The following MARCHF8 variants were observed in gnomAD, a reference collection of about 807,000 sequenced individuals.
The protein encoded by MARCHF8 is membrane associated ring-CH-type finger 8, also known as E3 ubiquitin-protein ligase MARCHF8.
MARCHF8 carries 40 observed loss-of-function variants against 51.6 expected under a neutral mutation model. That is an observed-to-expected ratio of 0.77 (90% CI 0.60 to 1.01). The LOEUF (loss-of-function observed/expected upper bound fraction) is 1.01, where lower values mean the gene tolerates loss of function less well. MARCHF8 is among the 50% of genes least tolerant of loss of function. The probability of loss-of-function intolerance (pLI) is 0.00; values close to 1 mark genes in which losing one functional copy is unlikely to be tolerated. For synonymous variants in MARCHF8, 263 were observed against 280.3 expected, an observed-to-expected ratio of 0.94 and a Z score of 0.62; for missense variants, 685 against 708.6, an observed-to-expected ratio of 0.97 and a Z score of 0.38.
chr10:45,495,979 C>T (rs2043168582), intron 2 of MARCHF8, among the ~76,000 whole-genome samples: 1 of 152,064 alleles, frequency 6.6e-6, no homozygotes, highest in Non-Finnish European at 1.5e-5. Flanking sequence ...AGATTAACAG[C>T]TGACTTATCC....
upstream of MARCHF8, among the ~76,000 whole-genome samples, chr10:45,538,333 G>A (rs568954560): frequency 2.0e-5 from 3 of 152,136 alleles, no homozygotes; most frequent in East Asian, 1.9e-4. Context: ...AACATGGAAA[G>A]GAACAACTGG....
chr10:45,497,746 G>T (rs2043198441), intron 2 of MARCHF8, among the ~76,000 whole-genome samples: 1 of 152,062 alleles, frequency 6.6e-6, no homozygotes, highest in South Asian at 2.1e-4. Context: ...TCATAAAAAT[G>T]AAGTCACAAA....
intron 6 of MARCHF8, among the ~76,000 whole-genome samples, chr10:45,459,522 T>A (rs188034853): frequency 6.6e-6 from 1 of 152,342 alleles, no homozygotes; most frequent in African/African-American, 2.4e-5. Flanking sequence ...CCTTGTCTGC[T>A]TATTCTTGCA....
At chr10:45,529,262 G>A (rs972682180) in intron 2 of MARCHF8, among the ~76,000 whole-genome samples, 2 of 152,146 alleles carry the variant, frequency 1.3e-5, no homozygotes, top group Non-Finnish European at 2.9e-5. Flanking sequence ...ACCATATACA[G>A]TAGAATGACA....
Position 45,458,129 on chromosome 10 carries a change from C to T in MARCHF8, c.*110G>A. The T allele has an allele frequency of 8.8e-7, 1 of 1,142,786 alleles. No homozygotes were observed. The highest frequency in any genetic ancestry group is 1.2e-6 in the Non-Finnish European group (1 of 823,180). The allele number at this position is 1,142,786 out of a possible 1,614,324, so 70.8% of individuals were successfully genotyped here. On this transcript the variant is annotated 3_prime_UTR_variant, in exon 8 of 8. Transcript: ENST00000453424. ...AAAAAGAGAAGCCACTATAAATAGT[C>T]ACCTGTCCAGTCTATGCTATTAAAG...
At chr10:45,588,232 A>C (rs916207264) in intron 1 of MARCHF8, among the ~76,000 whole-genome samples, 1 of 152,194 alleles carries the variant, frequency 6.6e-6, no homozygotes, top group Admixed American at 6.5e-5. Context: ...GAAATTTCGA[A>C]ACACTTTCCT....
intron 2 of MARCHF8, among the ~76,000 whole-genome samples, chr10:45,521,243 A>G (rs2043700505): frequency 6.6e-6 from 1 of 152,352 alleles, no homozygotes; most frequent in Non-Finnish European, 1.5e-5. Context: ...CTCTTGAATA[A>G]GACAGGAAAA....
chr10:45,528,475 T>C (rs1305802291), intron 2 of MARCHF8, among the ~76,000 whole-genome samples: 2 of 152,158 alleles, frequency 1.3e-5, no homozygotes, highest in Non-Finnish European at 2.9e-5. Context: ...TCTTTGTTTG[T>C]TTTTGAAACG....
chr10:45,572,845 G>A (rs2044446757), intron 1 of MARCHF8, among the ~76,000 whole-genome samples: 1 of 152,000 alleles, frequency 6.6e-6, no homozygotes, highest in African/African-American at 2.4e-5. Flanking sequence ...CTCCAGCGCT[G>A]GTCATGGACT....
intron 2 of MARCHF8, among the ~76,000 whole-genome samples, chr10:45,526,865 T>C (rs2043802795): frequency 6.6e-6 from 1 of 152,182 alleles, no homozygotes; most frequent in Non-Finnish European, 1.5e-5. Flanking sequence ...ACAGACCTTA[T>C]CTTAAGGAAT....
At chr10:45,564,426 C>T (rs1489574450) in intron 1 of MARCHF8, among the ~76,000 whole-genome samples, 1 of 152,058 alleles carries the variant, frequency 6.6e-6, no homozygotes, top group Non-Finnish European at 1.5e-5. Flanking sequence ...ATAGGAATTA[C>T]CCACACTGAA....
chr10:45,578,603 C>T (rs575740431), intron 1 of MARCHF8, among the ~76,000 whole-genome samples: 1 of 152,122 alleles, frequency 6.6e-6, no homozygotes, highest in Non-Finnish European at 1.5e-5. Context: ...AGGATATTAA[C>T]ACATTGTCAA....
rs566246414 is a variant in MARCHF8 at position 45,456,883 on chromosome 10, G to C, written c.*1356C>G. On this transcript the variant is annotated 3_prime_UTR_variant, in exon 8 of 8. Coordinates refer to ENST00000453424, the MANE Select transcript of MARCHF8 (RefSeq NM_001282866.2). Reference sequence around the variant, plus strand: ...GTACAGGTGGTAATCCCTGATGACAGAATGCACTGAGAGTGGGGCCAAGGG... The same window carrying C: ...GTACAGGTGGTAATCCCTGATGACACAATGCACTGAGAGTGGGGCCAAGGG... 1.3e-4 allele frequency: 20 copies of C among 152,394 alleles called. No individual in the cohort carries two copies. Among genetic ancestry groups the C allele is most frequent in the African/African-American group, 4.6e-4 (19 of 41,594 alleles). 9.4% of individuals were successfully genotyped at this position (152,394 alleles called of 1,614,324 possible).
intron 1 of MARCHF8, among the ~76,000 whole-genome samples, chr10:45,543,139 A>T (rs748030197): frequency 9.2e-5 from 14 of 152,020 alleles, no homozygotes; most frequent in Non-Finnish European, 1.9e-4. Context: ...TGATACTTTT[A>T]CTCTCTTCCT....
At chr10:45,508,562 T>C (rs1673932183) in intron 2 of MARCHF8, among the ~76,000 whole-genome samples, 1 of 152,328 alleles carries the variant, frequency 6.6e-6, no homozygotes, top group Admixed American at 6.5e-5. Flanking sequence ...ATGCAGCATC[T>C]TCTGGGCCAG....
chr10:45,565,291 C>A (rs900183577), intron 1 of MARCHF8, among the ~76,000 whole-genome samples: 13 of 151,896 alleles, frequency 8.6e-5, no homozygotes, highest in African/African-American at 2.9e-4. Flanking sequence ...ATTAACCGGG[C>A]CTAGTGGTGC....
At position 45,495,076 on chromosome 10, in the gene MARCHF8, C is replaced by T. The variant is rs144170192; in HGVS notation, c.103-5659G>A. 6.9e-3 allele frequency among the ~76,000 whole-genome samples: 1,038 copies of T among 150,792 alleles called. 10 individuals are homozygous for T. The highest frequency in any genetic ancestry group is 0.024 in the African/African-American group (977 of 40,972). ...CAGAGGTTGCAGTGAGCCGAGATCGCGCGACTGAACTCCAGCCTGGGCAAC... is the reference window on the plus strand; with the variant it reads ...CAGAGGTTGCAGTGAGCCGAGATCGTGCGACTGAACTCCAGCCTGGGCAAC... On this transcript the variant is annotated intron_variant, in intron 2 of 7. Coordinates refer to ENST00000453424, the MANE Select transcript of MARCHF8 (RefSeq NM_001282866.2).
chr10:45,469,087 C>T (rs551162846), intron 3 of MARCHF8, among the ~76,000 whole-genome samples: 8 of 152,154 alleles, frequency 5.3e-5, no homozygotes, highest in African/African-American at 1.9e-4. Flanking sequence ...GTTCCATCTA[C>T]AGAAAGAAAT....
At chr10:45,584,751 G>T (rs1178294310) in intron 1 of MARCHF8, among the ~76,000 whole-genome samples, 3 of 152,136 alleles carry the variant, frequency 2.0e-5, no homozygotes, top group African/African-American at 7.2e-5. Flanking sequence ...GCAGAGAATG[G>T]TCTCCATCTA....
Sources: allele counts gnomAD v4.1 joint callset (sites outside exome capture counted in the v4.1 genomes callset), GRCh38; gene constraint gnomAD v4.1.1; transcripts MANE v1.5; gene names NCBI Gene and HGNC (gene_info 2026-07-23, HGNC 2026-07-21).